ODF2: variants seen among roughly 807,000 people sequenced by gnomAD.
ODF2 encodes the protein outer dense fiber of sperm tails 2, also known as outer dense fiber protein 2.
A neutral mutation model predicts 110.2 loss-of-function variants in ODF2; 47 were observed. The observed-to-expected ratio is 0.43, with a 90% CI of 0.34 to 0.54. The LOEUF is 0.54. Among genes scored for constraint, ODF2 ranks in the 20% least tolerant of loss-of-function variants. ODF2 has a pLI of 0.03. For synonymous variants in ODF2, 352 were observed against 397.7 expected (o/e 0.89, Z 1.37); for missense variants, 812 against 1,054.5 (o/e 0.77, Z 3.19).
chr9:128,466,093 C>A (rs1013430394), intron 4 of ODF2, among the ~76,000 whole-genome samples: 2 of 151,558 alleles, frequency 1.3e-5, no homozygotes, highest in African/African-American at 4.8e-5. Flanking sequence ...GAGCCAAGAT[C>A]GCGCCCCTGC....
chr9:128,456,498 T>C, intron 1 of ODF2: 1 of 1,526,802 alleles, frequency 6.5e-7, no homozygotes, highest in Non-Finnish European at 8.8e-7. Flanking sequence ...ACCACGGGGC[T>C]CTGCCCCTCC....
intron 1 of ODF2, chr9:128,456,952 C>G: frequency 8.0e-7 from 1 of 1,242,458 alleles, no homozygotes; most frequent in Non-Finnish European, 1.0e-6. Flanking sequence ...CCGGCCCCGC[C>G]CCAGCATCCC....
At chr9:128,497,289 C>CT (rs1225865590) in intron 18 of ODF2, among the ~76,000 whole-genome samples, 1 of 150,446 alleles carries the variant, frequency 6.6e-6, no homozygotes, top group Admixed American at 6.7e-5. Flanking sequence ...GTGAGCATCT[C>CT]TAAGAGGTAG....
Position 128,495,994 on chromosome 9 carries a change from T to C in ODF2, c.1912-47T>C, listed in dbSNP as rs777170234. On this transcript the variant is annotated intron_variant, in intron 17 of 20. Transcript: ENST00000604420. The stretch of plus-strand genomic sequence containing the variant: ...AGGTCATAGGGAAAGGGGAGGGCTC[T>C]AGCGGGAAATTCCTTTGTAAACCAG... 3.1e-6 allele frequency: 5 copies of C among 1,608,934 alleles called. No homozygotes were observed. The South Asian group carries it at 3.3e-5, about 11-fold the overall frequency.
intron 11 of ODF2, among the ~76,000 whole-genome samples, chr9:128,484,308 C>T (rs1313663237): frequency 1.3e-5 from 2 of 152,174 alleles, no homozygotes; most frequent in African/African-American, 4.8e-5. Flanking sequence ...ATCACTTAAT[C>T]CCCTAGGCCC....
intron 1 of ODF2, 194 bp downstream of exon 1, chr9:128,456,449 C>A: frequency 6.6e-7 from 1 of 1,516,442 alleles, no homozygotes; most frequent in Non-Finnish European, 8.8e-7. Flanking sequence ...CTCCTCCTCC[C>A]GCTAACGGGC....
exon 16 of ODF2, chr9:128,492,789 A>G: frequency 6.2e-7 from 1 of 1,613,990 alleles, no homozygotes; most frequent in Non-Finnish European, 8.5e-7. Context: ...GATGAGATGA[A>G]CAAAGAGATT....
At chr9:128,460,864 G>A in intron 3 of ODF2, 78 bp from the exon 4 acceptor site, 5 of 1,596,094 alleles carry the variant, frequency 3.1e-6, no homozygotes, top group South Asian at 1.1e-5. Flanking sequence ...CACTCTGCTA[G>A]TCGGAGAGGG....
At chr9:128,457,736 G>A (rs188974285) in intron 2 of ODF2, among the ~76,000 whole-genome samples, 93 of 152,184 alleles carry the variant, frequency 6.1e-4, no homozygotes, top group Admixed American at 1.5e-3. Context: ...GGGAGTCGAG[G>A]TGTAAATAAA....
At chr9:128,456,766 G>T (rs1391341813) in intron 1 of ODF2, 3 of 944,778 alleles carry the variant, frequency 3.2e-6, no homozygotes, top group South Asian at 4.9e-5. Context: ...GGCGGGGGGG[G>T]GTCCCGCCCG....
At chr9:128,481,881 G>A (rs920330837) in intron 9 of ODF2, among the ~76,000 whole-genome samples, 24 of 152,220 alleles carry the variant, frequency 1.6e-4, no homozygotes, top group Non-Finnish European at 3.2e-4. Flanking sequence ...CCAACATAGA[G>A]AGGGTAATGA....
intron 6 of ODF2, among the ~76,000 whole-genome samples, chr9:128,472,269 G>A (rs1181989209): frequency 6.6e-5 from 10 of 152,106 alleles, no homozygotes; most frequent in Non-Finnish European, 1.0e-4. Context: ...GTGCAGTGGC[G>A]TGATCCTGGC....
rs753763289 is a variant in ODF2, at chr9:128,456,943, C to T, written c.-208-255C>T. The T allele has an allele frequency of 1.1e-3, 1,425 of 1,240,326 alleles. 1 individual carries two copies. The highest frequency in any genetic ancestry group is 1.3e-3 in the Middle Eastern group (4 of 2,982). The allele number at this position is 1,240,326 out of a possible 1,614,324, so 76.8% of individuals were successfully genotyped here. A position where few individuals can be genotyped will look rare whatever the true frequency, so the allele number is the denominator to read the frequency against. Reference sequence around the variant, plus strand: ...CCCCTTCTCCTAGGAGACAGTTGTCCGGCCCCGCCCCAGCATCCCCGCGGC... The same window carrying T: ...CCCCTTCTCCTAGGAGACAGTTGTCTGGCCCCGCCCCAGCATCCCCGCGGC... On this transcript the variant is annotated intron_variant, in intron 1 of 20. Coordinates refer to ENST00000604420, the Ensembl canonical transcript of ODF2.
At position 128,485,021 on chromosome 9, in the gene ODF2, TG is replaced by T; in HGVS notation, c.1290+139del. ...GGTAGTGGTGGAAAGGATAGATGGC[TG>T]GGGAGGAGGGAGAGGGAGTTAAGGG... On this transcript the variant is annotated intron_variant, in intron 12 of 20. Coordinates refer to ENST00000604420, the Ensembl canonical transcript of ODF2. The surrounding 1 kb of genome is among the most constrained non-coding windows in gnomAD (Gnocchi z 5.0). 1 of 961,180 alleles carries T rather than the reference TG, an allele frequency of 1.0e-6. No individual in the cohort carries two copies. 59.5% of individuals were successfully genotyped at this position (961,180 alleles called of 1,614,324 possible). A position where few individuals can be genotyped will look rare whatever the true frequency, so the allele number is the denominator to read the frequency against.
intron 13 of ODF2, 145 bp from the exon 14 acceptor site, chr9:128,487,745 C>A (rs1339088074): frequency 6.8e-6 from 6 of 888,644 alleles, no homozygotes; most frequent in African/African-American, 1.7e-5. Flanking sequence ...CAAGATCGCG[C>A]CACTGCACTC....
intron 8 of ODF2, among the ~76,000 whole-genome samples, chr9:128,478,779 C>T (rs1841855219): frequency 6.6e-6 from 1 of 152,124 alleles, no homozygotes; most frequent in Non-Finnish European, 1.5e-5. Flanking sequence ...CCCATCTGTG[C>T]TCAGGGCTCC....
intron 3 of ODF2, 119 bp downstream of exon 3, chr9:128,460,785 G>T (rs746691903): frequency 1.3e-6 from 2 of 1,515,160 alleles, no homozygotes; most frequent in Non-Finnish European, 1.8e-6. Flanking sequence ...TTCGGAGGCC[G>T]GTTTCCTGGT....
chr9:128,469,577 C>G (rs1839192830), intron 5 of ODF2: 2 of 557,374 alleles, frequency 3.6e-6, no homozygotes, highest in South Asian at 4.5e-5. Context: ...TGTCCTGGTG[C>G]TCCACATGGG....
intron 14 of ODF2, 121 bp from the exon 15 acceptor site, chr9:128,492,305 A>C (rs1039822414): frequency 2.9e-6 from 2 of 700,744 alleles, no homozygotes; most frequent in East Asian, 5.3e-5. Flanking sequence ...TCTCAGGGAA[A>C]GTGCTCTGTG....
Sources: allele counts gnomAD v4.1 joint callset (sites outside exome capture counted in the v4.1 genomes callset), GRCh38; gene constraint gnomAD v4.1.1; non-coding constraint Gnocchi (gnomAD v3.1); transcripts MANE v1.5; gene names NCBI Gene and HGNC (gene_info 2026-07-23, HGNC 2026-07-21).